Variants in ADGB observed in about 807,000 individuals in gnomAD.
ADGB encodes the protein calpain-7-like protein.
Under a neutral mutation model 210.5 loss-of-function variants are expected in ADGB, and 172 were observed. That is an observed-to-expected ratio of 0.82 (90% CI 0.72 to 0.93). The LOEUF is 0.93. ADGB is among the 40% of genes least tolerant of loss of function. The pLI is 0.00. For synonymous variants in ADGB, 658 were observed against 662.7 expected (o/e 0.99, Z 0.11); for missense variants, 2,025 against 1,964.8 (o/e 1.03, Z -0.58).
intron 10 of ADGB, among the ~76,000 whole-genome samples, chr6:146,687,511 G>A (rs377181479): frequency 0.012 from 1,894 of 152,118 alleles, 23 homozygotes; most frequent in Middle Eastern, 0.037. Context: ...GAATGAAGCC[G>A]CAAGCCATTA....
At chr6:146,720,059 TTTTTTTAA>T (rs1776791728) in intron 16 of ADGB, among the ~76,000 whole-genome samples, 1 of 136,856 alleles carries the variant, frequency 7.3e-6, no homozygotes, top group Admixed American at 6.8e-5. Context: ...TATATTAACT[TTTTTTTAA>T]TATTGTGGTA....
chr6:146,727,598 T>C (rs1776915872), intron 19 of ADGB, among the ~76,000 whole-genome samples: 2 of 152,222 alleles, frequency 1.3e-5, no homozygotes, highest in South Asian at 2.1e-4. Flanking sequence ...CACATTTCCC[T>C]GGAGATATTA....
chr6:146,670,167 C>T (rs2114900424), intron 7 of ADGB, among the ~76,000 whole-genome samples: 1 of 152,172 alleles, frequency 6.6e-6, no homozygotes, highest in East Asian at 1.9e-4. Flanking sequence ...TCTATTTTAC[C>T]CTCCTTTAGT....
chr6:146,636,012 T>C (rs1283077320), intron 2 of ADGB, among the ~76,000 whole-genome samples: 1 of 152,104 alleles, frequency 6.6e-6, no homozygotes, highest in Non-Finnish European at 1.5e-5. Context: ...AGATCCTCAC[T>C]GCTCTTCGTT....
At chr6:146,701,747 T>C (rs537308608) in intron 13 of ADGB, among the ~76,000 whole-genome samples, 1 of 152,126 alleles carries the variant, frequency 6.6e-6, no homozygotes, top group African/African-American at 2.4e-5. Flanking sequence ...TAATTAGCAC[T>C]GTGAGAGAAC....
Position 146,644,769 on chromosome 6 carries a change from A to G in ADGB, c.238-4A>G. ...CAGAAAAAACTCAATTTATTTTTAT[A>G]TAGCATTTTTTTGAGGACCCTGAAG... On this transcript the variant is annotated splice_region_variant and splice_polypyrimidine_tract_variant and intron_variant, in intron 2 of 35. Coordinates refer to ENST00000397944, the MANE Select transcript of ADGB (RefSeq NM_024694.4). The G allele has an allele frequency of 1.4e-6, 2 of 1,425,842 alleles. No individual in the cohort carries two copies. The highest frequency in any genetic ancestry group is 1.8e-6 in the Non-Finnish European group (2 of 1,081,130). 88.3% of individuals were successfully genotyped at this position (1,425,842 alleles called of 1,614,324 possible).
intron 27 of ADGB, among the ~76,000 whole-genome samples, chr6:146,760,530 G>GA (rs1402153730): frequency 6.6e-6 from 1 of 151,724 alleles, no homozygotes; most frequent in African/African-American, 2.4e-5. Flanking sequence ...GGGTTTATTG[G>GA]AGTTTTTTGA....
chr6:146,728,420 A>G (rs969710599), intron 19 of ADGB, among the ~76,000 whole-genome samples, 154 bp from the exon 20 acceptor site: 1 of 152,204 alleles, frequency 6.6e-6, no homozygotes, highest in African/African-American at 2.4e-5. Context: ...TTCTGAGACT[A>G]CAGAATTTAG....
intron 9 of ADGB, among the ~76,000 whole-genome samples, chr6:146,677,692 C>CT (rs1466557613): frequency 6.6e-6 from 1 of 152,156 alleles, no homozygotes; most frequent in Non-Finnish European, 1.5e-5. Context: ...TCCTGCTGAA[C>CT]TTACAGTTAA....
intron 35 of ADGB, among the ~76,000 whole-genome samples, chr6:146,813,244 G>T (rs1021779419): frequency 1.7e-4 from 25 of 149,736 alleles, no homozygotes; most frequent in African/African-American, 6.1e-4. Context: ...CCTTTCTCCA[G>T]CATTTCTCAG....
At position 146,691,459 on chromosome 6, in the gene ADGB, A is replaced by ATAAAAATATATATAT. The variant is rs1776319302; in HGVS notation, c.1486+169_1486+170insTAAAAATATATATAT. 8.9e-5 allele frequency among the ~76,000 whole-genome samples: 4 copies of ATAAAAATATATATAT among 44,718 alleles called. No individual in the cohort carries two copies. In the African/African-American group the frequency reaches 9.6e-4, roughly 11 times the overall value. 29.3% of individuals were successfully genotyped at this position (44,718 alleles called of 152,430 possible). A position where few individuals can be genotyped will look rare whatever the true frequency, so the allele number is the denominator to read the frequency against. On this transcript the variant is annotated intron_variant, in intron 11 of 35. Transcript: ENST00000397944. ...ATATATATAAAAATATATATATATA[A>ATAAAAATATATATAT]AAATATATATATATATAAATATATA... is the stretch of plus-strand genomic sequence containing the variant.
chr6:146,617,914 T>G (rs563717599), intron 1 of ADGB, among the ~76,000 whole-genome samples: 8 of 151,994 alleles, frequency 5.3e-5, no homozygotes, highest in Non-Finnish European at 1.2e-4. Context: ...TGTGTATAAC[T>G]TTTGAATCCC....
intron 35 of ADGB, chr6:146,803,836 A>C: frequency 1.6e-5 from 6 of 364,944 alleles, no homozygotes; most frequent in Non-Finnish European, 2.0e-5. Context: ...GGGCCATTCA[A>C]ACGCGGCCGC....
chr6:146,656,581 A>G (rs536207386), intron 4 of ADGB, among the ~76,000 whole-genome samples, 190 bp from the exon 5 acceptor site: 1 of 152,196 alleles, frequency 6.6e-6, no homozygotes, highest in Non-Finnish European at 1.5e-5. Flanking sequence ...TTGTATTGTG[A>G]CTGTATTTCC....
chr6:146,800,537 T>C (rs575057313), intron 33 of ADGB, among the ~76,000 whole-genome samples: 160 of 73,414 alleles, frequency 2.2e-3, no homozygotes, highest in African/African-American at 0.012. Context: ...AGTAGCTTTT[T>C]TTTAAAAAAA....
At chr6:146,635,318 A>G (rs1775402294) in intron 1 of ADGB, 57 bp from the exon 2 acceptor site, 2 of 1,319,388 alleles carry the variant, frequency 1.5e-6, no homozygotes, top group Admixed American at 7.2e-5. Context: ...TTAATCCAAT[A>G]TTTGATCTCA....
Position 146,654,954 on chromosome 6 carries a change from G to A in ADGB, c.402+748G>A, listed in dbSNP as rs184821765. On this transcript the variant is annotated intron_variant, in intron 4 of 35. Coordinates refer to ENST00000397944, the MANE Select transcript of ADGB (RefSeq NM_024694.4). ...AAACTTTGTACCCCTTACCAACATC[G>A]CCCCATATCCCCCTCCTTCCAGACC... 7.2e-5 allele frequency among the ~76,000 whole-genome samples: 11 copies of A among 152,026 alleles called. No individual in the cohort carries two copies. In the East Asian group the frequency reaches 1.5e-3, roughly 21 times the overall value.
rs1425222738 is a variant in ADGB at position 146,733,139 on chromosome 6, G to T, written c.2540G>T (p.Trp847Leu). The T allele has an allele frequency of 1.3e-6, 2 of 1,524,328 alleles. No individual in the cohort carries two copies. Among genetic ancestry groups the T allele is most frequent in the Non-Finnish European group, 1.8e-6 (2 of 1,133,276 alleles). 94.4% of individuals were successfully genotyped at this position (1,524,328 alleles called of 1,614,324 possible). ...TTTCAGGTTTTTCATCTTTCCTTAT[G>T]GCGTTTAATGAAAAAAGTTCAAATA... ...QHFRVFHLSL[W>L]RLMKKVQITK... Residue 847 changes from tryptophan to leucine, a missense_variant, in exon 21 of 36, where the codon TGG becomes TTG. Transcript: ENST00000397944.
chr6:146,799,067 A>AG (rs1265978104), intron 33 of ADGB, among the ~76,000 whole-genome samples: 1 of 150,804 alleles, frequency 6.6e-6, no homozygotes, highest in Non-Finnish European at 1.5e-5. Flanking sequence ...GCAAAAAAAA[A>AG]AAAAAAAAAA....
Sources: gnomAD v4.1 joint callset for allele counts (sites outside exome capture counted in the v4.1 genomes callset) on GRCh38, gnomAD v4.1.1 for gene constraint, MANE v1.5 for transcripts, NCBI Gene and HGNC (gene_info 2026-07-23, HGNC 2026-07-21) for gene names.